The following SYMPK variants were observed in gnomAD, a reference collection of about 807,000 sequenced individuals.
SYMPK encodes the protein symplekin scaffold protein.
SYMPK carries 49 observed loss-of-function variants against 136.4 expected under a neutral mutation model. That is an observed-to-expected ratio of 0.36 (90% CI 0.29 to 0.46). The LOEUF (loss-of-function observed/expected upper bound fraction) is 0.46, where lower values mean the gene tolerates loss of function less well. Among genes scored for constraint, SYMPK ranks in the 20% least tolerant of loss-of-function variants. The pLI is 1.00. For synonymous variants in SYMPK, 766 were observed against 713.0 expected, an observed-to-expected ratio of 1.07 and a Z score of -1.19; for missense variants, 1,365 against 1,690.0, an observed-to-expected ratio of 0.81 and a Z score of 3.37.
At chr19:45,816,671 C>T (rs1387425270) in intron 24 of SYMPK, 94 bp from the exon 25 acceptor site, 5 of 1,557,368 alleles carry the variant, frequency 3.2e-6, no homozygotes, top group East Asian at 2.3e-5. Context: ...CCCTCCAGAA[C>T]TCCCAGCAGT....
At chr19:45,830,504 T>C in intron 12 of SYMPK, 1 of 353,760 alleles carries the variant, frequency 2.8e-6, no homozygotes. Context: ...GCAAAGGCCC[T>C]TAGGTGGGAA....
In SYMPK at chr19:45,854,498, C is replaced by G. The variant is rs1394965584; in HGVS notation, c.-3G>C. ...CTGTCTCCACTGCCGCTCGCCATGG[C>G]TGCTGTCAGCTTGTCCCCAGGAAAG... On this transcript the variant is annotated 5_prime_UTR_variant, in exon 2 of 27. Coordinates refer to ENST00000245934, the MANE Select transcript of SYMPK (RefSeq NM_004819.3). The G allele has an allele frequency of 3.1e-6, 5 of 1,613,380 alleles. No individual in the cohort carries two copies. Among genetic ancestry groups the G allele is most frequent in the Non-Finnish European group, 4.2e-6 (5 of 1,179,854 alleles).
Position 45,815,894 on chromosome 19 carries a change from T to G in SYMPK, c.3644A>C (p.Glu1215Ala), listed in dbSNP as rs931224855. 1 of 1,612,166 alleles carries G rather than the reference T, an allele frequency of 6.2e-7. No individual in the cohort carries two copies. The highest frequency in any genetic ancestry group is 1.7e-5 in the Admixed American group (1 of 59,956). ...GAGACTAGAGTCCAACAGCGCGGCCTCGGTCAGCCCCGAGTCGTCATCCAT... is the reference window on the plus strand; with the variant it reads ...GAGACTAGAGTCCAACAGCGCGGCCGCGGTCAGCCCCGAGTCGTCATCCAT... ...ISMDDDSGLT[E>A]AALLDSSLEG... The change falls in exon 26 of 27, where the codon GAG (glutamate) becomes GCG (alanine). Residue 1215 changes from glutamate to alanine, a missense_variant. Glu to Ala is a moderately radical substitution (Grantham distance 107, BLOSUM62 -1). Transcript: ENST00000245934.
intron 24 of SYMPK, 97 bp from the exon 25 acceptor site, chr19:45,816,674 C>T: frequency 6.4e-7 from 1 of 1,552,048 alleles, no homozygotes. Flanking sequence ...TCCAGAACTC[C>T]CAGCAGTGCA....
chr19:45,816,081 G>C lies in SYMPK; in HGVS notation c.3457C>G (p.Leu1153Val). The change falls in exon 26 of 27, where the codon CTG (leucine) becomes GTG (valine). Residue 1153 changes from leucine (L) to valine (V), a missense_variant. By Grantham distance (32) the Leu-to-Val change is conservative. Around this residue, in one of 11 missense-constraint regions of SYMPK, gnomAD observed 341 missense variants for 270.5 expected, o/e 1.26. Transcript: ENST00000245934. ...GGCTTCAGCTTCTGTTCCTCCTCCAGCTGCCGCTTTAAGGCCTTCTCCTGG... is the reference window on the plus strand; with the variant it reads ...GGCTTCAGCTTCTGTTCCTCCTCCACCTGCCGCTTTAAGGCCTTCTCCTGG... ...LAQEKALKRQLEEEQKLKPGG... is the reference protein window; with the variant it reads ...LAQEKALKRQVEEEQKLKPGG... 6.4e-7 allele frequency: 1 copy of C among 1,558,684 alleles called. No individual in the cohort carries two copies. The highest frequency in any genetic ancestry group is 8.7e-7 in the Non-Finnish European group (1 of 1,151,322).
At chr19:45,830,266 G>A in intron 12 of SYMPK, 62 bp from the exon 13 acceptor site, 1 of 1,542,142 alleles carries the variant, frequency 6.5e-7, no homozygotes, top group Non-Finnish European at 8.8e-7. Flanking sequence ...CCTGTCTGGT[G>A]ACTCTCCCAA....
intron 6 of SYMPK, 106 bp from the exon 7 acceptor site, chr19:45,848,107 T>G: frequency 1.5e-6 from 2 of 1,302,872 alleles, no homozygotes; most frequent in Non-Finnish European, 2.1e-6. Flanking sequence ...GAATGATGAA[T>G]ACATTCATTT....
Position 45,843,990 on chromosome 19 carries a change from T to TGAAGAGAA in SYMPK, c.847+32_847+39dup, listed in dbSNP as rs549693813. 3.7e-3 allele frequency: 3,098 copies of TGAAGAGAA among 826,328 alleles called. 6 individuals carry two copies. The highest frequency in any genetic ancestry group is 4.4e-3 in the Non-Finnish European group (2,700 of 606,808). 51.2% of individuals were successfully genotyped at this position (826,328 alleles called of 1,614,324 possible). ...AAAAAAGAAAGAGCAGACTGGCCAG[T>TGAAGAGAA]GAAGAGAAGGCAGGGGGAGGGGGGA... On this transcript the variant is annotated intron_variant, in intron 8 of 26. Transcript: ENST00000245934.
chr19:45,820,364 T>A (rs1390577022), intron 22 of SYMPK: 3 of 152,236 alleles, frequency 2.0e-5, no homozygotes, highest in Non-Finnish European at 4.4e-5. Flanking sequence ...TGGTGCCTCC[T>A]GGGTTTTATA....
intron 15 of SYMPK, 56 bp from the exon 16 acceptor site, chr19:45,827,679 C>G: frequency 6.5e-7 from 1 of 1,539,798 alleles, no homozygotes; most frequent in Non-Finnish European, 9.0e-7. Context: ...CCTCTGGGCT[C>G]TGTCTTTCCT....
rs199630042 is a variant in SYMPK at position 45,815,422 on chromosome 19, C to CT, written c.*137dup. 2.7e-3 allele frequency: 1,759 copies of CT among 662,728 alleles called. No homozygotes were observed. Among genetic ancestry groups the CT allele is most frequent in the Non-Finnish European group, 3.0e-3 (1,477 of 484,766 alleles). The allele number at this position is 662,728 out of a possible 1,614,324, so 41.1% of individuals were successfully genotyped here. A position where few individuals can be genotyped will look rare whatever the true frequency, so the allele number is the denominator to read the frequency against. The stretch of plus-strand genomic sequence containing the variant: ...CACCCGCGCCCCAGGCCCGCCATCC[C>CT]TTTTTTTTTTTCTTTTCAGTAACTT... On this transcript the variant is annotated 3_prime_UTR_variant, in exon 27 of 27. Coordinates refer to ENST00000245934, the MANE Select transcript of SYMPK (RefSeq NM_004819.3).
At chr19:45,828,008 A>T in intron 14 of SYMPK, 90 bp from the exon 15 acceptor site, 1 of 1,181,542 alleles carries the variant, frequency 8.5e-7, no homozygotes, top group Non-Finnish European at 1.3e-6. Context: ...CAGGGCCAGC[A>T]GGCCCTCCCT....
At chr19:45,856,366 T>A (rs930967810) in intron 1 of SYMPK, among the ~76,000 whole-genome samples, 4 of 152,068 alleles carry the variant, frequency 2.6e-5, no homozygotes, top group African/African-American at 9.7e-5. Flanking sequence ...TCTCAGTATA[T>A]TATCCTGAAA....
intron 1 of SYMPK, chr19:45,862,671 G>A (rs903068403): frequency 5.7e-5 from 10 of 174,548 alleles, no homozygotes; most frequent in Non-Finnish European, 1.2e-4. Flanking sequence ...GAGACCCGAA[G>A]GATGAAATGG....
intron 7 of SYMPK, among the ~76,000 whole-genome samples, chr19:45,844,984 G>A (rs1427017314): frequency 6.6e-6 from 1 of 152,042 alleles, no homozygotes; most frequent in Non-Finnish European, 1.5e-5. Flanking sequence ...TCACCATCAG[G>A]GTAAATGGGG....
At chr19:45,846,003 G>A (rs1376258467) in intron 7 of SYMPK, among the ~76,000 whole-genome samples, 2 of 152,182 alleles carry the variant, frequency 1.3e-5, no homozygotes, top group Admixed American at 6.5e-5. Context: ...TTGGGAGGCC[G>A]AGGTGGGCAG....
Position 45,829,005 on chromosome 19 carries a change from C to T in SYMPK, c.1950G>A (p.Leu650=), listed in dbSNP as rs979238069. 6.2e-7 allele frequency: 1 copy of T among 1,614,182 alleles called. No homozygotes were observed. Among genetic ancestry groups the T allele is most frequent in the Non-Finnish European group, 8.5e-7 (1 of 1,180,044 alleles). Reference sequence around the variant, plus strand: ...GGTCTGGTTTCTCCTGCAGGCCAGACAACAGGCGGATGAGGCAGTCCTCAT... The same window carrying T: ...GGTCTGGTTTCTCCTGCAGGCCAGATAACAGGCGGATGAGGCAGTCCTCAT... ...DKYEDCLIRL[L]SGLQEKPDQK... is the part of the protein sequence containing the mutation. Residue 650 remains leucine, a synonymous_variant, in exon 14 of 27, where the codon TTG becomes TTA. Transcript: ENST00000245934.
intron 20 of SYMPK, 86 bp from the exon 21 acceptor site, chr19:45,822,932 T>C: frequency 1.8e-6 from 2 of 1,109,980 alleles, no homozygotes; most frequent in Non-Finnish European, 2.7e-6. Flanking sequence ...CTGCTCGCCC[T>C]GGGGAGCTGA....
chr19:45,862,185 G>C lies in SYMPK; in HGVS notation c.-13+873C>G, dbSNP rs192400088. Among the ~76,000 whole-genome samples the C allele has an allele frequency of 3.5e-3, 526 of 152,196 alleles. 6 individuals are homozygous for C. Among genetic ancestry groups the C allele is most frequent in the African/African-American group, 0.012 (497 of 41,510 alleles). ...CCTCATTCCTTTTTAGAGTTGCATA[G>C]TATTTTTTATGTGGATGTATTATAG... On this transcript the variant is annotated intron_variant, in intron 1 of 26. Transcript: ENST00000245934.
Sources: gnomAD v4.1 joint callset for allele counts (sites outside exome capture counted in the v4.1 genomes callset) on GRCh38, gnomAD v4.1.1 for gene constraint, gnomAD v4.1.1 regional missense constraint, MANE v1.5 for transcripts, NCBI Gene and HGNC (gene_info 2026-07-23, HGNC 2026-07-21) for gene names.